The following R3HDM1 variants were observed in gnomAD, a reference collection of about 807,000 sequenced individuals.
R3HDM1 encodes the protein R3H domain containing 1, also known as R3H domain-containing protein 1.
Under a neutral mutation model 141.1 loss-of-function variants are expected in R3HDM1, and 46 were observed. That is an observed-to-expected ratio of 0.33 (90% CI 0.26 to 0.42). R3HDM1 has a LOEUF of 0.42. Among genes scored for constraint, R3HDM1 ranks in the 10% least tolerant of loss-of-function variants. R3HDM1 has a pLI of 1.00. For synonymous variants in R3HDM1, 435 were observed against 472.9 expected, an observed-to-expected ratio of 0.92 and a Z score of 1.04; for missense variants, 1,184 against 1,368.3, an observed-to-expected ratio of 0.87 and a Z score of 2.12.
chr2:135,629,497 A>G (rs979932438), intron 7 of R3HDM1, among the ~76,000 whole-genome samples: 1 of 152,238 alleles, frequency 6.6e-6, no homozygotes, highest in Non-Finnish European at 1.5e-5. Context: ...TATTCCATGC[A>G]AAATATTTTT....
intron 1 of R3HDM1, among the ~76,000 whole-genome samples, chr2:135,532,234 C>T (rs1043970695): frequency 6.6e-6 from 1 of 152,224 alleles, no homozygotes; most frequent in African/African-American, 2.4e-5. Flanking sequence ...AGAAAAAGCA[C>T]AATGGGAATA....
At chr2:135,645,012 A>G (rs1306347476) in intron 15 of R3HDM1, among the ~76,000 whole-genome samples, 7 of 152,032 alleles carry the variant, frequency 4.6e-5, no homozygotes, top group Non-Finnish European at 8.8e-5. Context: ...AACCCAGGAG[A>G]CAGAGGTTGC....
At chr2:135,575,608 TAAAA>T (rs982496354) in intron 1 of R3HDM1, among the ~76,000 whole-genome samples, 1 of 152,106 alleles carries the variant, frequency 6.6e-6, no homozygotes, top group Non-Finnish European at 1.5e-5. Context: ...AAAATTAACT[TAAAA>T]AATCAATAGA....
chr2:135,607,844 C>G lies in R3HDM1; in HGVS notation c.171+2828C>G, dbSNP rs994840194. The G allele has an allele frequency of 1.2e-5, 12 of 982,560 alleles. No homozygotes were observed. The African/African-American group carries it at 1.9e-4, about 16-fold the overall frequency. 60.9% of individuals were successfully genotyped at this position (982,560 alleles called of 1,614,324 possible). A position where few individuals can be genotyped will look rare whatever the true frequency, so the allele number is the denominator to read the frequency against. On this transcript the variant is annotated intron_variant, in intron 3 of 26. Transcript: ENST00000683871. ...TTACCCAAACCATTTATTGAAAAAT[C>G]TCTTCTTTACCAAGGGAATACCATA...
chr2:135,559,067 GTGTGTGTGTGTGTGTGTGTGTGTGTGCA>G, intron 1 of R3HDM1: 1 of 938,660 alleles, frequency 1.1e-6, no homozygotes. Context: ...GTGTGTGTGT[GTGTGTGTGTGTGTGTGTGTGTGTGTGCA>G]TGCGTGTGTG....
chr2:135,573,627 T>C lies in R3HDM1; in HGVS notation c.-249-28873T>C, dbSNP rs151240910. On this transcript the variant is annotated intron_variant, in intron 1 of 26. Transcript: ENST00000683871. ...CAATCTGAAGAGGCAGTCTTCAAAG[T>C]GCGTAGCTTATAGGGGAGAAAAAGA... Among the ~76,000 whole-genome samples the C allele has an allele frequency of 3.1e-3, 468 of 151,938 alleles. 2 individuals carry two copies. Among genetic ancestry groups the C allele is most frequent in the African/African-American group, 0.01 (419 of 41,390 alleles).
chr2:135,623,054 C>G (rs2061656561), intron 7 of R3HDM1: 1 of 976,718 alleles, frequency 1.0e-6, no homozygotes, highest in African/African-American at 1.8e-5. Flanking sequence ...ATAGTGCACT[C>G]AACCAAATAA....
chr2:135,671,589 G>A (rs2068357560), intron 19 of R3HDM1, among the ~76,000 whole-genome samples: 1 of 151,644 alleles, frequency 6.6e-6, no homozygotes, highest in Non-Finnish European at 1.5e-5. Flanking sequence ...GGCTGGTCTT[G>A]AACTCCTGAC....
At chr2:135,597,700 T>C (rs1166738397) in intron 1 of R3HDM1, among the ~76,000 whole-genome samples, 1 of 152,230 alleles carries the variant, frequency 6.6e-6, no homozygotes, top group Non-Finnish European at 1.5e-5. Flanking sequence ...AACAACCCTT[T>C]TTTTTGGGCT....
intron 19 of R3HDM1, chr2:135,670,103 C>T (rs1449891223): frequency 5.8e-6 from 1 of 172,012 alleles, no homozygotes; most frequent in Non-Finnish European, 1.0e-5. Flanking sequence ...GCACTCCAGC[C>T]TGGGCGACAG....
intron 6 of R3HDM1, 78 bp from the exon 7 acceptor site, chr2:135,622,576 A>G (rs942569441): frequency 5.4e-6 from 8 of 1,477,168 alleles, no homozygotes; most frequent in Admixed American, 2.7e-5. Context: ...TTTAAGATAT[A>G]TATACATCAT....
At chr2:135,697,916 G>A (rs1035900877) in intron 21 of R3HDM1, among the ~76,000 whole-genome samples, 25 of 151,886 alleles carry the variant, frequency 1.6e-4, no homozygotes, top group African/African-American at 6.0e-4. Context: ...AACCAGGCAT[G>A]GTGGTGCATG....
At position 135,632,822 on chromosome 2, in the gene R3HDM1, A is replaced by G. The variant is rs1574531517; in HGVS notation, c.698+821A>G. Among the ~76,000 whole-genome samples the G allele has an allele frequency of 3.3e-5, 5 of 152,278 alleles. No individual in the cohort carries two copies. The Middle Eastern group carries it at 0.017, about 518-fold the overall frequency. ...GTAGCAGTCAACTTCAGATGGCATA[A>G]ATAATCCTTTTTGGTCCATTATTTT... On this transcript the variant is annotated intron_variant, in intron 9 of 26. Coordinates refer to ENST00000683871, the MANE Select transcript of R3HDM1 (RefSeq NM_001378107.1).
At chr2:135,555,520 T>G (rs1307289905) in intron 1 of R3HDM1, among the ~76,000 whole-genome samples, 1 of 152,100 alleles carries the variant, frequency 6.6e-6, no homozygotes, top group Non-Finnish European at 1.5e-5. Flanking sequence ...AACACTTAAA[T>G]AAGTAAACAT....
chr2:135,666,931 A>AAG (rs1484954522), intron 19 of R3HDM1: 2 of 266,762 alleles, frequency 7.5e-6, no homozygotes, highest in Non-Finnish European at 1.2e-5. Flanking sequence ...TAAAAAAAAA[A>AAG]AAAAAGAAAA....
intron 17 of R3HDM1, chr2:135,650,532 A>G (rs981929340): frequency 2.0e-6 from 2 of 983,018 alleles, no homozygotes; most frequent in African/African-American, 1.7e-5. Context: ...TTTTATTGGA[A>G]TAAGAAAATG....
intron 1 of R3HDM1, among the ~76,000 whole-genome samples, chr2:135,569,518 A>G (rs537188874): frequency 2.6e-5 from 4 of 152,130 alleles, no homozygotes; most frequent in African/African-American, 9.6e-5. Flanking sequence ...AGAAATAGGT[A>G]GTATATCAAA....
At chr2:135,623,049 G>A in intron 7 of R3HDM1, 1 of 978,368 alleles carries the variant, frequency 1.0e-6, no homozygotes, top group African/African-American at 1.8e-5. Context: ...TCACCATAGT[G>A]CACTCAACCA....
intron 21 of R3HDM1, among the ~76,000 whole-genome samples, chr2:135,704,929 GTATCTTTTTACTT>G (rs1246845095): frequency 6.6e-6 from 1 of 151,956 alleles, no homozygotes; most frequent in Non-Finnish European, 1.5e-5. Context: ...CATTTAGGTC[GTATCTTTTTACTT>G]TATTGAACCA....
Sources: allele counts gnomAD v4.1 joint callset (sites outside exome capture counted in the v4.1 genomes callset), GRCh38; gene constraint gnomAD v4.1.1; transcripts MANE v1.5; gene names NCBI Gene and HGNC (gene_info 2026-07-23, HGNC 2026-07-21).